Variants in RORA observed in about 807,000 individuals in gnomAD.
The protein encoded by RORA is RAR related orphan receptor A.
A neutral mutation model predicts 69.5 loss-of-function variants in RORA; 7 were observed. The ratio of observed to expected loss-of-function variants is 0.10; its 90% CI spans 0.06 to 0.19. The LOEUF (loss-of-function observed/expected upper bound fraction) is 0.19, where lower values mean the gene tolerates loss of function less well. RORA is among the 10% of genes least tolerant of loss of function. RORA has a pLI of 1.00. For synonymous variants in RORA, 261 were observed against 240.8 expected (o/e 1.08, Z -0.78); for missense variants, 457 against 663.0 (o/e 0.69, Z 3.41).
chr15:60,691,455 G>GAA (rs780785200), intron 1 of RORA, among the ~76,000 whole-genome samples: 1 of 152,196 alleles, frequency 6.6e-6, no homozygotes, highest in African/African-American at 2.4e-5. Flanking sequence ...CTGAGGATCA[G>GAA]AAAAACTTGT....
At chr15:60,581,525 T>G (rs1301123251) in intron 2 of RORA, among the ~76,000 whole-genome samples, 1 of 152,196 alleles carries the variant, frequency 6.6e-6, no homozygotes, top group Non-Finnish European at 1.5e-5. Context: ...GCAATGGAGG[T>G]ACAATTTCTT....
At chr15:61,002,783 A>C (rs57712812) in intron 1 of RORA, among the ~76,000 whole-genome samples, 1 of 152,084 alleles carries the variant, frequency 6.6e-6, no homozygotes, top group Non-Finnish European at 1.5e-5. Flanking sequence ...GGGAATATAA[A>C]TAACTTGAGC....
intron 1 of RORA, among the ~76,000 whole-genome samples, chr15:61,062,316 C>T (rs1015280583): frequency 6.6e-6 from 1 of 152,190 alleles, no homozygotes; most frequent in Non-Finnish European, 1.5e-5. Context: ...GATGCAGGTC[C>T]TGTCTTGCTC....
chr15:60,641,154 A>T (rs554759985), intron 2 of RORA, among the ~76,000 whole-genome samples: 1 of 151,926 alleles, frequency 6.6e-6, no homozygotes, highest in African/African-American at 2.4e-5. Flanking sequence ...GTCTCGCCAC[A>T]TTGCCCAGGA....
At chr15:60,608,884 C>T (rs2069015071) in intron 2 of RORA, among the ~76,000 whole-genome samples, 1 of 152,134 alleles carries the variant, frequency 6.6e-6, no homozygotes, top group African/African-American at 2.4e-5. Flanking sequence ...TGAGCATATA[C>T]CAAGCCTGGT....
At chr15:61,040,165 A>ATAT (rs1566958547) in intron 1 of RORA, among the ~76,000 whole-genome samples, 23 of 101,686 alleles carry the variant, frequency 2.3e-4, no homozygotes, top group Non-Finnish European at 4.0e-4. Context: ...TATATATATA[A>ATAT]AATATATGAA....
At chr15:60,984,430 TATA>T (rs1371095275) in intron 1 of RORA, among the ~76,000 whole-genome samples, 1 of 150,894 alleles carries the variant, frequency 6.6e-6, no homozygotes, top group African/African-American at 2.4e-5. Flanking sequence ...TTAATATTAG[TATA>T]ATAATAATAG....
intron 1 of RORA, among the ~76,000 whole-genome samples, chr15:60,867,846 T>C (rs1430129960): frequency 6.6e-6 from 1 of 152,182 alleles, no homozygotes; most frequent in Admixed American, 6.5e-5. Context: ...CCATTTTATT[T>C]TGGTTGCCAG....
chr15:60,529,720 T>G (rs1299619913), intron 3 of RORA: 1 of 152,214 alleles, frequency 6.6e-6, no homozygotes, highest in Non-Finnish European at 1.5e-5. Flanking sequence ...AAAAGAAAAT[T>G]CACATTGTTT....
In RORA at chr15:61,014,220, T is replaced by C. The variant is rs189421874; in HGVS notation, c.166+214833A>G. 2.5e-3 allele frequency among the ~76,000 whole-genome samples: 380 copies of C among 152,320 alleles called. 1 individual carries two copies. Among genetic ancestry groups the C allele is most frequent in the Non-Finnish European group, 4.4e-3 (299 of 68,026 alleles). ...CCCTCTCTCGGCCTCAGCTTCCACA[T>C]CTATAAAATGAGAGCACAAATTATA... On this transcript the variant is annotated intron_variant, in intron 1 of 10. Coordinates refer to ENST00000335670, the MANE Select transcript of RORA (RefSeq NM_134261.3).
At chr15:60,876,613 G>C (rs147031141) in intron 1 of RORA, among the ~76,000 whole-genome samples, 259 of 152,032 alleles carry the variant, frequency 1.7e-3, no homozygotes, top group Non-Finnish European at 2.5e-3. Flanking sequence ...CACTTGTTAG[G>C]ATTTTTGCTG....
chr15:61,001,873 C>T (rs573925004), intron 1 of RORA, among the ~76,000 whole-genome samples: 7 of 152,306 alleles, frequency 4.6e-5, no homozygotes, highest in African/African-American at 9.6e-5. Context: ...AAGAACAGAA[C>T]GACAAGAAAG....
chr15:61,138,231 A>T (rs1164206693), intron 1 of RORA, among the ~76,000 whole-genome samples: 1 of 152,228 alleles, frequency 6.6e-6, no homozygotes, highest in Non-Finnish European at 1.5e-5. Context: ...TTGGGTTTTT[A>T]AATTAAACAA....
chr15:60,775,235 A>C (rs2072144432), intron 1 of RORA, among the ~76,000 whole-genome samples: 1 of 152,180 alleles, frequency 6.6e-6, no homozygotes. Context: ...GCAAAAGATT[A>C]GATTCCCCAC....
intron 2 of RORA, among the ~76,000 whole-genome samples, chr15:60,640,465 T>C (rs566864273): frequency 5.3e-5 from 8 of 152,268 alleles, no homozygotes; most frequent in Non-Finnish European, 1.2e-4. Flanking sequence ...TTTAAAAATG[T>C]AAATCACATC....
chr15:60,988,192 C>A (rs1894267791), intron 1 of RORA, among the ~76,000 whole-genome samples: 1 of 152,170 alleles, frequency 6.6e-6, no homozygotes, highest in Non-Finnish European at 1.5e-5. Context: ...CAGACGGAAG[C>A]CCTAAGCAGG....
At chr15:61,047,891 G>A (rs748318783) in intron 1 of RORA, among the ~76,000 whole-genome samples, 5 of 152,066 alleles carry the variant, frequency 3.3e-5, no homozygotes, top group Non-Finnish European at 5.9e-5. Flanking sequence ...CATTTCTTGC[G>A]GACCCATTTT....
At chr15:60,558,833 T>C (rs1595972793) in intron 2 of RORA, among the ~76,000 whole-genome samples, 2 of 148,132 alleles carry the variant, frequency 1.4e-5, no homozygotes, top group East Asian at 3.8e-4. Context: ...GTCTACTTTA[T>C]ATTTTTGGCT....
chr15:60,607,228 G>A (rs2140570295), intron 2 of RORA, among the ~76,000 whole-genome samples: 1 of 152,286 alleles, frequency 6.6e-6, no homozygotes, highest in East Asian at 1.9e-4. Context: ...AGTGCATCCT[G>A]TATTACAGCA....
Sources: allele counts gnomAD v4.1 joint callset (sites outside exome capture counted in the v4.1 genomes callset), GRCh38; gene constraint gnomAD v4.1.1; transcripts MANE v1.5; gene names NCBI Gene and HGNC (gene_info 2026-07-23, HGNC 2026-07-21).